Variants in ACTA1 observed in about 807,000 individuals in gnomAD.
The protein encoded by ACTA1 is actin, alpha skeletal muscle.
ACTA1 carries 25 observed loss-of-function variants against 35.8 expected under a neutral mutation model. That is an observed-to-expected ratio of 0.70 (90% confidence interval 0.51 to 0.97). ACTA1 has a LOEUF of 0.97. ACTA1 is among the 50% of genes least tolerant of loss of function. The pLI is 0.00. For missense variants in ACTA1, 174 were observed against 533.0 expected (o/e 0.33, Z 6.63); for synonymous variants, 219 against 217.1 (o/e 1.01, Z -0.08).
rs894589685 is a variant in ACTA1, at chr1:229,433,131, C to T, written c.-12-4G>A. The stretch of plus-strand genomic sequence containing the variant: ...CGTCGCACATTGTGTCTAGTTTCTG[C>T]AAGGACAGGGAGACCGCGAAGAGGC... On this transcript the variant is annotated splice_region_variant and splice_polypyrimidine_tract_variant and intron_variant, in intron 1 of 6. Transcript: ENST00000366684. 6 of 1,613,922 alleles carry T rather than the reference C, an allele frequency of 3.7e-6. No individual in the cohort carries two copies. In the African/African-American group the frequency reaches 5.3e-5, roughly 14 times the overall value.
At position 229,432,089 on chromosome 1, in the gene ACTA1, A is replaced by G. The variant is rs1571893051; in HGVS notation, c.713T>C (p.Leu238Pro). ...EMATAASSSS[L>P]EKSYELPDGQ... ...GTCTGGCAGCTCGTAGCTCTTTTCC[A>G]GGGAGGAGGAGGAGGCGGCCGTCGC... Residue 238 changes from leucine to proline, a missense_variant, in exon 5 of 7, where the codon CTG (leucine) becomes CCG (proline). Physicochemically the swap from Leu to Pro is moderately conservative, Grantham distance 98 (BLOSUM62 -3). Coordinates refer to ENST00000366684, the MANE Select transcript of ACTA1 (RefSeq NM_001100.4). The G allele has an allele frequency of 6.2e-6, 10 of 1,612,978 alleles. No homozygotes were observed. The highest frequency in any genetic ancestry group is 8.5e-6 in the Non-Finnish European group (10 of 1,179,862).
At position 229,432,441 on chromosome 1, in the gene ACTA1, C is replaced by A. The variant is rs1396017341; in HGVS notation, c.455-10G>T. On this transcript the variant is annotated splice_polypyrimidine_tract_variant and intron_variant, in intron 3 of 6. Coordinates refer to ENST00000366684, the MANE Select transcript of ACTA1 (RefSeq NM_001100.4). ...GAGTCCAGCACGATGCCTGTGCGCG[C>A]GCGGGAGAGAGTGAGTGGCTGGGGG... 1 of 1,560,872 alleles carries A rather than the reference C, an allele frequency of 6.4e-7. No individual in the cohort carries two copies.
rs1659926948 is a variant in ACTA1 at position 229,431,343 on chromosome 1, T to G, written c.*156A>C. 1 of 999,028 alleles carries G rather than the reference T, an allele frequency of 1.0e-6. No individual in the cohort carries two copies. Among genetic ancestry groups the G allele is most frequent in the Non-Finnish European group, 1.6e-6 (1 of 643,974 alleles). The allele number at this position is 999,028 out of a possible 1,614,324, so 61.9% of individuals were successfully genotyped here. On this transcript the variant is annotated 3_prime_UTR_variant, in exon 7 of 7. Coordinates refer to ENST00000366684, the MANE Select transcript of ACTA1 (RefSeq NM_001100.4). The surrounding 1 kb of genome is among the most constrained non-coding windows in gnomAD (Gnocchi z 7.1). The stretch of plus-strand genomic sequence containing the variant: ...AAAATAACAAAATGAGGTAATAAGT[T>G]AATGTATGTACACGTTATAAACACT...
intron 1 of ACTA1, among the ~76,000 whole-genome samples, chr1:229,433,771 A>C (rs553548413): frequency 6.6e-6 from 1 of 152,370 alleles, no homozygotes; most frequent in East Asian, 1.9e-4. Flanking sequence ...CACATCCTAC[A>C]TGCCAGGTAA....
At position 229,432,545 on chromosome 1, in the gene ACTA1, C is replaced by T. The variant is rs551674486; in HGVS notation, c.454+11G>A. 68 of 1,601,392 alleles carry T rather than the reference C, an allele frequency of 4.2e-5. No individual in the cohort carries two copies. The African/African-American group carries it at 7.9e-4, about 19-fold the overall frequency. On this transcript the variant is annotated intron_variant, in intron 3 of 6. Transcript: ENST00000366684. ...GGGCGGGAGAGGGGACTGGGGGCAG[C>T]GGGCACTCACCGGTGGTCCTGCCGG...
At position 229,431,609 on chromosome 1, in the gene ACTA1, A is replaced by G; in HGVS notation, c.1024T>C (p.Trp342Arg). Residue 342 changes from tryptophan (W) to arginine (R), a missense_variant, in exon 7 of 7, where the codon TGG becomes CGG. Trp to Arg is a moderately radical substitution (Grantham distance 101). Transcript: ENST00000366684. This position sits in a 1 kb window ranked among gnomAD's most constrained non-coding sequence, Gnocchi z 7.1. ...IAPPERKYSV[W>R]IGGSILASLS... ...GAGGCCAGGATGGAGCCGCCGATCC[A>G]CACCGAGTATTTGCGCTCCGGCGGG... 6.2e-7 allele frequency: 1 copy of G among 1,614,082 alleles called. No individual in the cohort carries two copies. The highest frequency in any genetic ancestry group is 8.5e-7 in the Non-Finnish European group (1 of 1,180,018).
In ACTA1 at chr1:229,433,186, CA is replaced by C. The variant is rs753431964; in HGVS notation, c.-12-60del. 277 of 1,593,936 alleles carry C rather than the reference CA, an allele frequency of 1.7e-4. 1 individual carries two copies. Among genetic ancestry groups the C allele is most frequent in the Non-Finnish European group, 2.0e-4 (235 of 1,175,540 alleles). On this transcript the variant is annotated intron_variant, in intron 1 of 6. Coordinates refer to ENST00000366684, the MANE Select transcript of ACTA1 (RefSeq NM_001100.4). ...TGCATCAGCGCAGAAGTCTCAGCGG[CA>C]GGGGGGGGTAAGCCTGGCTGGCCCC...
Position 229,431,613 on chromosome 1 carries a change from C to A in ACTA1, c.1020G>T (p.Ser340=), listed in dbSNP as rs776764140. ...KIIAPPERKY[S]VWIGGSILAS... Reference sequence around the variant, plus strand: ...CCAGGATGGAGCCGCCGATCCACACCGAGTATTTGCGCTCCGGCGGGGCGA... The same window carrying A: ...CCAGGATGGAGCCGCCGATCCACACAGAGTATTTGCGCTCCGGCGGGGCGA... Residue 340 remains serine, a synonymous_variant, in exon 7 of 7, where the codon TCG becomes TCT. Transcript: ENST00000366684. The surrounding 1 kb of genome is among the most constrained non-coding windows in gnomAD (Gnocchi z 7.1). The A allele has an allele frequency of 7.4e-6, 12 of 1,613,968 alleles. No individual in the cohort carries two copies. Among genetic ancestry groups the A allele is most frequent in the African/African-American group, 6.7e-5 (5 of 74,916 alleles).
At chr1:229,433,273 A>G (rs1659993287) in intron 1 of ACTA1, 146 bp from the exon 2 acceptor site, 2 of 1,213,568 alleles carry the variant, frequency 1.6e-6, no homozygotes, top group South Asian at 1.3e-5. Flanking sequence ...AAATTCTGCC[A>G]GGGCGGCGAC....
Position 229,431,683 on chromosome 1 carries a change from G to T in ACTA1, c.990+38C>A, listed in dbSNP as rs769671804. On this transcript the variant is annotated intron_variant, in intron 6 of 6. Coordinates refer to ENST00000366684, the MANE Select transcript of ACTA1 (RefSeq NM_001100.4). This position sits in a 1 kb window ranked among gnomAD's most constrained non-coding sequence, Gnocchi z 7.1. Reference sequence around the variant, plus strand: ...TGAGGTGGGGAGACCTCACCCTGGAGCCCACCCCGCCGACAGCCCGCGCAG... The same window carrying T: ...TGAGGTGGGGAGACCTCACCCTGGATCCCACCCCGCCGACAGCCCGCGCAG... 1 of 1,613,790 alleles carries T rather than the reference G, an allele frequency of 6.2e-7. No individual in the cohort carries two copies.
chr1:229,433,277 CGG>C (rs1659993636), intron 1 of ACTA1, 150 bp from the exon 2 acceptor site: 2 of 1,169,342 alleles, frequency 1.7e-6, no homozygotes, highest in Non-Finnish European at 2.5e-6. Context: ...TCTGCCAGGG[CGG>C]CGACCAGGGG....
At position 229,431,264 on chromosome 1, in the gene ACTA1, T is replaced by A; in HGVS notation, c.*235A>T. ...GACCACTTTACGCAGCTTAACAGAA[T>A]GACTTTAATGCTTCTTCAAGTTTTC... is the stretch of plus-strand genomic sequence containing the variant. On this transcript the variant is annotated 3_prime_UTR_variant, in exon 7 of 7. Transcript: ENST00000366684. The surrounding 1 kb of genome is among the most constrained non-coding windows in gnomAD (Gnocchi z 7.1). 4.9e-6 allele frequency: 3 copies of A among 617,194 alleles called. No individual in the cohort carries two copies. The highest frequency in any genetic ancestry group is 3.8e-5 in the South Asian group (2 of 52,512). 38.2% of individuals were successfully genotyped at this position (617,194 alleles called of 1,614,324 possible). A position where few individuals can be genotyped will look rare whatever the true frequency, so the allele number is the denominator to read the frequency against.
In ACTA1 at chr1:229,432,604, C is replaced by A; in HGVS notation, c.406G>T (p.Val136Leu). 1 of 1,613,868 alleles carries A rather than the reference C, an allele frequency of 6.2e-7. No homozygotes were observed. Among genetic ancestry groups the A allele is most frequent in the Non-Finnish European group, 8.5e-7 (1 of 1,179,976 alleles). Reference protein sequence around the residue: ...FETFNVPAMYVAIQAVLSLYA... With the variant: ...FETFNVPAMYLAIQAVLSLYA... ...AGGGACAGCACGGCCTGGATGGCCACGTACATGGCGGGCACGTTGAAGGTC... is the reference window on the plus strand; with the variant it reads ...AGGGACAGCACGGCCTGGATGGCCAAGTACATGGCGGGCACGTTGAAGGTC... Residue 136 changes from valine (V) to leucine (L), a missense_variant, in exon 3 of 7, where the codon GTG (valine) becomes TTG (leucine). Transcript: ENST00000366684.
intron 4 of ACTA1, 42 bp downstream of exon 4, chr1:229,432,228 C>T: frequency 6.2e-7 from 1 of 1,612,556 alleles, no homozygotes; most frequent in Non-Finnish European, 8.5e-7. Flanking sequence ...ACTCAGGGGC[C>T]GCCGCCGGCC....
rs370162933 is a variant in ACTA1, at chr1:229,431,485, G to T, written c.*14C>A. On this transcript the variant is annotated 3_prime_UTR_variant, in exon 7 of 7. Transcript: ENST00000366684. This position sits in a 1 kb window ranked among gnomAD's most constrained non-coding sequence, Gnocchi z 7.1. ...CGTCGTCCTGAGAAGTCGCGTGCTGGAGGTGGAGTGTGTCTAGAAGCATTT... is the reference window on the plus strand; with the variant it reads ...CGTCGTCCTGAGAAGTCGCGTGCTGTAGGTGGAGTGTGTCTAGAAGCATTT... 1 of 1,612,792 alleles carries T rather than the reference G, an allele frequency of 6.2e-7. No individual in the cohort carries two copies. The highest frequency in any genetic ancestry group is 8.5e-7 in the Non-Finnish European group (1 of 1,180,038).
At position 229,431,534 on chromosome 1, in the gene ACTA1, C is replaced by T. The variant is rs1446690899; in HGVS notation, c.1099G>A (p.Ala367Thr). ...MWITKQEYDEAGPSIVHRKCF is the reference protein window; with the variant it reads ...MWITKQEYDETGPSIVHRKCF ...TTGCGGTGGACGATGGAAGGGCCGG[C>T]CTCGTCGTACTCCTGCTTGGTGATC... The change falls in exon 7 of 7, where the codon GCC (alanine) becomes ACC (threonine). Residue 367 changes from alanine (A) to threonine (T), a missense_variant. Ala to Thr is a moderately conservative substitution (Grantham distance 58, BLOSUM62 0). Transcript: ENST00000366684. The surrounding 1 kb of genome is among the most constrained non-coding windows in gnomAD (Gnocchi z 7.1). 9.3e-6 allele frequency: 15 copies of T among 1,613,570 alleles called. No homozygotes were observed. The highest frequency in any genetic ancestry group is 1.2e-5 in the Non-Finnish European group (14 of 1,180,026).
intron 1 of ACTA1, 91 bp from the exon 2 acceptor site, chr1:229,433,218 C>A: frequency 6.4e-7 from 1 of 1,563,324 alleles, no homozygotes. Context: ...GCCCCGACGT[C>A]CTCCCTCCCC....
chr1:229,433,295 T>C (rs1394676772), intron 1 of ACTA1, among the ~76,000 whole-genome samples, 168 bp from the exon 2 acceptor site: 1 of 152,202 alleles, frequency 6.6e-6, no homozygotes, highest in Non-Finnish European at 1.5e-5. Context: ...AGGGGTTCTC[T>C]TCTCGACCTT....
chr1:229,433,179 T>A, intron 1 of ACTA1, 52 bp from the exon 2 acceptor site: 4 of 1,594,096 alleles, frequency 2.5e-6, no homozygotes, highest in Non-Finnish European at 3.4e-6. Context: ...CGCAGAAGTC[T>A]CAGCGGCAGG....
Sources: allele counts gnomAD v4.1 joint callset (sites outside exome capture counted in the v4.1 genomes callset), GRCh38; gene constraint gnomAD v4.1.1; non-coding constraint Gnocchi (gnomAD v3.1); transcripts MANE v1.5; gene names NCBI Gene and HGNC (gene_info 2026-07-23, HGNC 2026-07-21).